The following SLC4A8 variants were observed in gnomAD, a reference collection of about 807,000 sequenced individuals.
SLC4A8 encodes the protein electroneutral sodium bicarbonate exchanger 1.
In SLC4A8, 40 loss-of-function variants were observed where a neutral mutation model predicts 125.0. The ratio of observed to expected loss-of-function variants is 0.32; its 90% CI spans 0.25 to 0.42. The LOEUF (loss-of-function observed/expected upper bound fraction) is 0.42, where lower values mean the gene tolerates loss of function less well. SLC4A8 is among the 10% of genes least tolerant of loss of function. SLC4A8 has a pLI of 1.00. For synonymous variants in SLC4A8, 456 were observed against 476.0 expected (o/e 0.96, Z 0.55); for missense variants, 863 against 1,355.1 (o/e 0.64, Z 5.70).
chr12:51,459,498 T>C (rs898391626), intron 7 of SLC4A8, among the ~76,000 whole-genome samples: 3 of 152,144 alleles, frequency 2.0e-5, no homozygotes, highest in African/African-American at 7.2e-5. Flanking sequence ...ATATCCTCCT[T>C]CTGGGGTTTT....
intron 1 of SLC4A8, among the ~76,000 whole-genome samples, chr12:51,436,141 C>T (rs1175309193): frequency 6.6e-6 from 1 of 152,208 alleles, no homozygotes; most frequent in Non-Finnish European, 1.5e-5. Context: ...TCTCCTTTCT[C>T]TCTTGCCGAG....
chr12:51,393,951 T>C (rs956520413), intron 1 of SLC4A8, among the ~76,000 whole-genome samples: 3 of 152,232 alleles, frequency 2.0e-5, no homozygotes, highest in African/African-American at 7.2e-5. Context: ...GGGCACTTCC[T>C]GTGGAAGATT....
At chr12:51,452,671 C>T (rs911225261) in intron 4 of SLC4A8, among the ~76,000 whole-genome samples, 2 of 152,166 alleles carry the variant, frequency 1.3e-5, no homozygotes, top group African/African-American at 4.8e-5. Context: ...TCAAATTCAC[C>T]AGCAGTCACA....
At chr12:51,455,063 C>T (rs1950094130) in intron 5 of SLC4A8, among the ~76,000 whole-genome samples, 1 of 129,046 alleles carries the variant, frequency 7.7e-6, no homozygotes, top group Admixed American at 8.2e-5. Flanking sequence ...TCTTGCACCG[C>T]CCTTAATCCA....
At chr12:51,416,072 T>G (rs1948679921) in intron 1 of SLC4A8, among the ~76,000 whole-genome samples, 1 of 151,996 alleles carries the variant, frequency 6.6e-6, no homozygotes. Flanking sequence ...CTTTCAAACT[T>G]TCTGAGTTAC....
chr12:51,482,676 G>C (rs1338080481), intron 16 of SLC4A8, among the ~76,000 whole-genome samples: 2 of 152,136 alleles, frequency 1.3e-5, no homozygotes, highest in African/African-American at 4.8e-5. Context: ...CACCGTGCCT[G>C]GCCTGGCTAA....
rs140641788 is a variant in SLC4A8, at chr12:51,449,456, A to C, written c.131-1420A>C. On this transcript the variant is annotated intron_variant, in intron 2 of 24. Coordinates refer to ENST00000453097, the MANE Select transcript of SLC4A8 (RefSeq NM_001039960.3). ...AAAGGAAAAAAAAAAAAACTGATGC[A>C]AAGTCACCTGCTCTCAGCAGGAAGG... Among the ~76,000 whole-genome samples the C allele has an allele frequency of 1.6e-4, 25 of 151,636 alleles. No homozygotes were observed. In the East Asian group the frequency reaches 4.1e-3, roughly 25 times the overall value.
chr12:51,471,670 C>G, intron 14 of SLC4A8, 138 bp downstream of exon 14: 1 of 950,978 alleles, frequency 1.1e-6, no homozygotes, highest in South Asian at 1.6e-5. Context: ...CAGATACAGA[C>G]AAGGAGTATT....
intron 5 of SLC4A8, among the ~76,000 whole-genome samples, chr12:51,454,988 G>T (rs1303074455): frequency 2.5e-5 from 2 of 80,510 alleles, no homozygotes; most frequent in African/African-American, 5.1e-5. Flanking sequence ...GGGTACTTGA[G>T]ATTAGGGAGT....
chr12:51,396,109 G>T (rs1439544316), intron 1 of SLC4A8, among the ~76,000 whole-genome samples: 4 of 152,190 alleles, frequency 2.6e-5, no homozygotes, highest in Non-Finnish European at 5.9e-5. Context: ...TTTATGATTG[G>T]GTTGTAAGAT....
chr12:51,428,555 C>G (rs928345148), intron 1 of SLC4A8, among the ~76,000 whole-genome samples: 1 of 152,206 alleles, frequency 6.6e-6, no homozygotes, highest in African/African-American at 2.4e-5. Context: ...AAATCTTTCC[C>G]CTCCTCTCCG....
chr12:51,434,954 G>C (rs565904342), intron 1 of SLC4A8, among the ~76,000 whole-genome samples: 2 of 152,268 alleles, frequency 1.3e-5, no homozygotes, highest in East Asian at 3.9e-4. Flanking sequence ...ACTGGACATT[G>C]TACTGGGTGC....
chr12:51,501,359 C>T (rs561239980), intron 22 of SLC4A8, among the ~76,000 whole-genome samples: 2 of 152,230 alleles, frequency 1.3e-5, no homozygotes, highest in South Asian at 4.2e-4. Flanking sequence ...TCTTTGTGTC[C>T]ATGTGTACCC....
At chr12:51,474,968 A>G (rs1950817338) in intron 15 of SLC4A8, 77 bp from the exon 16 acceptor site, 5 of 1,281,282 alleles carry the variant, frequency 3.9e-6, no homozygotes, top group African/African-American at 2.9e-5. Context: ...GATGACAATG[A>G]GTGGTGGACT....
intron 5 of SLC4A8, among the ~76,000 whole-genome samples, chr12:51,454,636 A>C: frequency 1.4e-5 from 1 of 71,396 alleles, no homozygotes. Flanking sequence ...ATGCTTTACA[A>C]AGCAGTTTTG....
At chr12:51,499,634 C>T (rs1438134823) in intron 22 of SLC4A8, among the ~76,000 whole-genome samples, 1 of 150,606 alleles carries the variant, frequency 6.6e-6, no homozygotes, top group African/African-American at 2.5e-5. Flanking sequence ...TACACACACA[C>T]ACACACACAC....
chr12:51,461,797 C>T (rs921552563), intron 9 of SLC4A8: 1 of 199,820 alleles, frequency 5.0e-6, no homozygotes, highest in Admixed American at 5.3e-5. Flanking sequence ...GTAAGGACTG[C>T]ACTGCTCGGT....
chr12:51,497,359 G>A (rs1039361827), intron 22 of SLC4A8: 8 of 462,890 alleles, frequency 1.7e-5, no homozygotes, highest in African/African-American at 4.1e-5. Flanking sequence ...CTACTCACCA[G>A]GCTCATACCT....
chr12:51,471,648 G>A, intron 14 of SLC4A8, 116 bp downstream of exon 14: 1 of 1,172,278 alleles, frequency 8.5e-7, no homozygotes, highest in Non-Finnish European at 1.2e-6. Context: ...TTGCCCTTTA[G>A]GAAACGGATC....
Sources: gnomAD v4.1 joint callset for allele counts (sites outside exome capture counted in the v4.1 genomes callset) on GRCh38, gnomAD v4.1.1 for gene constraint, MANE v1.5 for transcripts, NCBI Gene and HGNC (gene_info 2026-07-23, HGNC 2026-07-21) for gene names.